Variants in THADA observed in about 807,000 individuals in gnomAD.
THADA encodes the protein THADA armadillo repeat containing.
THADA carries 213 observed loss-of-function variants against 219.8 expected under a neutral mutation model. The observed-to-expected ratio is 0.97, with a 90% CI of 0.87 to 1.09. The LOEUF (loss-of-function observed/expected upper bound fraction) is 1.09, where lower values mean the gene tolerates loss of function less well. Ranked by LOEUF, THADA falls within the 50% of genes least tolerant of loss-of-function variation. THADA has a pLI of 0.00. For missense variants in THADA, 2,956 were observed against 2,311.3 expected, an observed-to-expected ratio of 1.28 and a Z score of -5.72; for synonymous variants, 1,018 against 828.9, an observed-to-expected ratio of 1.23 and a Z score of -3.92.
intron 26 of THADA, among the ~76,000 whole-genome samples, chr2:43,448,741 G>C (rs1054434063): frequency 6.6e-6 from 1 of 151,878 alleles, no homozygotes; most frequent in South Asian, 2.1e-4. Flanking sequence ...AAAAACTTAA[G>C]CTTACACATC....
intron 22 of THADA, among the ~76,000 whole-genome samples, chr2:43,521,563 AG>A (rs1692490727): frequency 6.6e-6 from 1 of 152,194 alleles, no homozygotes; most frequent in Non-Finnish European, 1.5e-5. Flanking sequence ...CTCAAAAAAA[AG>A]GTAAGGGGTT....
chr2:43,487,712 C>T (rs1180193406), intron 25 of THADA, among the ~76,000 whole-genome samples: 1 of 152,004 alleles, frequency 6.6e-6, no homozygotes, highest in African/African-American at 2.4e-5. Flanking sequence ...TAAAAGAGGC[C>T]CCAGTGAGCT....
intron 15 of THADA, chr2:43,563,399 A>G (rs913675826): frequency 6.6e-6 from 1 of 152,154 alleles, no homozygotes; most frequent in Non-Finnish European, 1.5e-5. Context: ...GGTCTTCTAT[A>G]TATCCCCCTT....
intron 35 of THADA, among the ~76,000 whole-genome samples, chr2:43,286,445 A>G (rs989327223): frequency 6.6e-6 from 1 of 152,194 alleles, no homozygotes; most frequent in East Asian, 1.9e-4. Context: ...AGGCTGGTTA[A>G]GAGTGTGTTG....
rs114024105 is a variant in THADA at position 43,587,223 on chromosome 2, C to T, written c.303-221G>A. Among the ~76,000 whole-genome samples, 883 of 152,218 alleles carry T rather than the reference C, an allele frequency of 5.8e-3. 13 individuals are homozygous for T. Among genetic ancestry groups the T allele is most frequent in the African/African-American group, 0.02 (833 of 41,534 alleles). On this transcript the variant is annotated intron_variant, in intron 4 of 37. Transcript: ENST00000405975. ...TCTCTCCCATCTCCCAGATTATTCT[C>T]AACAGAACAGGCAGAGTGACACCGT...
intron 26 of THADA, among the ~76,000 whole-genome samples, chr2:43,439,878 C>T (rs1011377525): frequency 6.6e-6 from 1 of 152,094 alleles, no homozygotes; most frequent in Admixed American, 6.6e-5. Context: ...CTTATACATA[C>T]TTTATACATA....
At chr2:43,535,630 C>T (rs538529008) in intron 21 of THADA, among the ~76,000 whole-genome samples, 246 of 134,340 alleles carry the variant, frequency 1.8e-3, no homozygotes, top group African/African-American at 6.8e-3. Flanking sequence ...CATCTAAACC[C>T]GAGACAGCGC....
chr2:43,514,347 AG>A (rs1690891937), intron 22 of THADA, among the ~76,000 whole-genome samples: 1 of 150,258 alleles, frequency 6.7e-6, no homozygotes, highest in East Asian at 1.9e-4. Context: ...GCTACTTGGG[AG>A]GCTGAGGTGG....
chr2:43,516,830 A>C (rs931855263), intron 22 of THADA, among the ~76,000 whole-genome samples: 4 of 152,154 alleles, frequency 2.6e-5, no homozygotes, highest in African/African-American at 9.7e-5. Context: ...TTTTAAAGAG[A>C]TCTATCAGGT....
At chr2:43,461,193 G>A (rs1035357103) in intron 26 of THADA, among the ~76,000 whole-genome samples, 1 of 152,092 alleles carries the variant, frequency 6.6e-6, no homozygotes, top group Admixed American at 6.5e-5. Flanking sequence ...AACTGTGTCT[G>A]GGTCTGTGCT....
At position 43,386,321 on chromosome 2, in the gene THADA, TG is replaced by T. The variant is rs985462489; in HGVS notation, c.4227+11649del. Among the ~76,000 whole-genome samples, 90 of 152,166 alleles carry T rather than the reference TG, an allele frequency of 5.9e-4. 1 individual carries two copies. Among genetic ancestry groups the T allele is most frequent in the African/African-American group, 3.9e-4 (16 of 41,504 alleles). On this transcript the variant is annotated intron_variant, in intron 29 of 37. Transcript: ENST00000405975. ...AGAAATTCAAGTAAGATTTAACTTA[TG>T]TTTTTTTTTTCAAACATATGCCTTT...
intron 28 of THADA, among the ~76,000 whole-genome samples, chr2:43,410,360 C>T (rs1016828197): frequency 2.6e-5 from 4 of 152,124 alleles, no homozygotes; most frequent in East Asian, 1.9e-4. Flanking sequence ...ATACTCACCA[C>T]GCAGCTCACC....
In THADA at chr2:43,404,619, T is replaced by C. The variant is rs531427718; in HGVS notation, c.4059-6480A>G. ...TCCCATAGCAGCCAGTGCATCTCAC[T>C]TACCTTCCCCACAGTAGCTCTCAGG... On this transcript the variant is annotated intron_variant, in intron 28 of 37. Coordinates refer to ENST00000405975, the MANE Select transcript of THADA (RefSeq NM_022065.5). Among the ~76,000 whole-genome samples the C allele has an allele frequency of 7.4e-4, 113 of 152,276 alleles. 1 individual carries two copies. The highest frequency in any genetic ancestry group is 2.6e-3 in the African/African-American group (110 of 41,560).
rs1186949148 is a variant in THADA at position 43,571,800 on chromosome 2, C to A, written c.1971G>T (p.Met657Ile). 6.2e-7 allele frequency: 1 copy of A among 1,613,784 alleles called. No individual in the cohort carries two copies. The highest frequency in any genetic ancestry group is 1.7e-5 in the Admixed American group (1 of 59,996). ...AGAACTGAATCCACTGCATTTCTTC[C>A]ATGGAAACAATTTCTGTGCTCCGAT... ...ESNRSTEIVSMEEMQWIQFFI... is the reference protein window; with the variant it reads ...ESNRSTEIVSIEEMQWIQFFI... The change falls in exon 13 of 38, where the codon ATG (methionine) becomes ATT (isoleucine). Residue 657 changes from methionine (M) to isoleucine (I), a missense_variant. Transcript: ENST00000405975.
chr2:43,383,282 T>C (rs549158486), intron 29 of THADA, among the ~76,000 whole-genome samples: 6 of 152,348 alleles, frequency 3.9e-5, no homozygotes, highest in South Asian at 2.1e-4. Context: ...TGCTTAGTAA[T>C]AGGTGTTTTG....
intron 26 of THADA, among the ~76,000 whole-genome samples, chr2:43,474,161 C>CG (rs1436385743): frequency 6.6e-6 from 1 of 152,168 alleles, no homozygotes; most frequent in Non-Finnish European, 1.5e-5. Flanking sequence ...TGACCTGAAT[C>CG]ACTTAGTGTC....
At chr2:43,255,358 G>A (rs920264864) in intron 36 of THADA, among the ~76,000 whole-genome samples, 2 of 152,158 alleles carry the variant, frequency 1.3e-5, no homozygotes, top group African/African-American at 4.8e-5. Flanking sequence ...TTGCTTTCTG[G>A]CAAATCTCCA....
intron 35 of THADA, among the ~76,000 whole-genome samples, chr2:43,283,504 T>C (rs1278663367): frequency 1.3e-5 from 2 of 152,352 alleles, no homozygotes; most frequent in Admixed American, 1.3e-4. Flanking sequence ...GACAGTGATA[T>C]GGGCAATGAA....
At chr2:43,306,806 G>A (rs938009682) in intron 31 of THADA, among the ~76,000 whole-genome samples, 4 of 152,144 alleles carry the variant, frequency 2.6e-5, no homozygotes, top group African/African-American at 7.2e-5. Flanking sequence ...AATGAGCCTG[G>A]GAGTCAGGAT....
Sources: gnomAD v4.1 joint callset for allele counts (sites outside exome capture counted in the v4.1 genomes callset) on GRCh38, gnomAD v4.1.1 for gene constraint, MANE v1.5 for transcripts, NCBI Gene and HGNC (gene_info 2026-07-23, HGNC 2026-07-21) for gene names.